The following GSG1L variants were observed in gnomAD, a reference collection of about 807,000 sequenced individuals.
GSG1L encodes GSG1 like.
A neutral mutation model predicts 42.1 loss-of-function variants in GSG1L; 24 were observed. The observed-to-expected ratio is 0.57, with a 90% CI of 0.41 to 0.80. The LOEUF (loss-of-function observed/expected upper bound fraction) is 0.80, where lower values mean the gene tolerates loss of function less well. GSG1L is among the 30% of genes least tolerant of loss of function. The pLI is 0.00. For missense variants in GSG1L, 445 were observed against 472.2 expected (o/e 0.94, Z 0.53); for synonymous variants, 215 against 203.5 (o/e 1.06, Z -0.48).
intron 1 of GSG1L, among the ~76,000 whole-genome samples, chr16:28,047,493 G>A (rs772441558): frequency 9.2e-5 from 14 of 152,056 alleles, no homozygotes; most frequent in Non-Finnish European, 1.9e-4. Context: ...AATAGTATTT[G>A]TTTAAGACTC....
At chr16:27,928,235 G>A (rs1458277276) in intron 2 of GSG1L, among the ~76,000 whole-genome samples, 1 of 152,146 alleles carries the variant, frequency 6.6e-6, no homozygotes, top group African/African-American at 2.4e-5. Context: ...TTTGACAGAT[G>A]GGGAAACTGA....
intron 1 of GSG1L, among the ~76,000 whole-genome samples, chr16:27,968,782 A>G (rs2085161167): frequency 6.6e-6 from 1 of 152,208 alleles, no homozygotes; most frequent in African/African-American, 2.4e-5. Context: ...TTATTGAGAT[A>G]TAATTCCCAT....
intron 1 of GSG1L, among the ~76,000 whole-genome samples, chr16:28,042,435 CA>C (rs5816459): frequency 0.72 from 90,368 of 125,084 alleles, 31,472 homozygotes; most frequent in South Asian, 0.84. Context: ...AACTCCATCT[CA>C]AAAAAAAAAA....
intron 2 of GSG1L, among the ~76,000 whole-genome samples, chr16:27,888,826 C>T (rs2084086572): frequency 6.6e-6 from 1 of 151,488 alleles, no homozygotes. Flanking sequence ...CCATGTTGGC[C>T]AGGCTTGTCT....
intron 1 of GSG1L, among the ~76,000 whole-genome samples, chr16:28,039,651 ACT>A (rs1398175278): frequency 6.6e-6 from 1 of 151,944 alleles, no homozygotes; most frequent in Non-Finnish European, 1.5e-5. Context: ...ACACATGCAC[ACT>A]CACACGCACA....
intron 1 of GSG1L, among the ~76,000 whole-genome samples, chr16:27,986,494 A>G (rs1198030255): frequency 8.6e-6 from 1 of 116,508 alleles, no homozygotes; most frequent in Non-Finnish European, 1.7e-5. Flanking sequence ...CGACCGAGCG[A>G]GACTCCGCCT....
At chr16:28,051,554 G>A (rs1005810809) in intron 1 of GSG1L, among the ~76,000 whole-genome samples, 2 of 152,090 alleles carry the variant, frequency 1.3e-5, no homozygotes, top group African/African-American at 4.8e-5. Context: ...AGGTGGGGAG[G>A]TGACTGCGAC....
intron 2 of GSG1L, among the ~76,000 whole-genome samples, chr16:27,921,238 C>A (rs1596614722): frequency 6.6e-6 from 1 of 152,096 alleles, no homozygotes; most frequent in East Asian, 1.9e-4. Context: ...TCTTCAGCAC[C>A]TTCTCCAAGT....
In GSG1L at chr16:27,881,238, C is replaced by CTTTTT. The variant is rs149874320; in HGVS notation, c.550+3243_550+3247dup. Among the ~76,000 whole-genome samples the CTTTTT allele has an allele frequency of 7.9e-4, 85 of 106,972 alleles. 7 individuals are homozygous for CTTTTT. Among genetic ancestry groups the CTTTTT allele is most frequent in the African/African-American group, 2.1e-3 (59 of 28,716 alleles). 70.2% of individuals were successfully genotyped at this position (106,972 alleles called of 152,430 possible). On this transcript the variant is annotated intron_variant, in intron 3 of 6. Coordinates refer to ENST00000447459, the MANE Select transcript of GSG1L (RefSeq NM_001109763.2). ...AGTGGAAACTTTAATAAGTATCATA[C>CTTTTT]TTTTTTTTTTTTTTTTTTTTTGAGA...
intron 5 of GSG1L, among the ~76,000 whole-genome samples, chr16:27,826,365 A>T (rs1596538046): frequency 6.6e-6 from 1 of 151,768 alleles, no homozygotes; most frequent in Admixed American, 6.6e-5. Context: ...TTGCTGCCCC[A>T]CCCTGCAGCC....
chr16:28,034,969 C>T (rs2086015373), intron 1 of GSG1L, among the ~76,000 whole-genome samples: 1 of 152,190 alleles, frequency 6.6e-6, no homozygotes, highest in South Asian at 2.1e-4. Flanking sequence ...AGCACACAGA[C>T]AACATCTCTA....
Position 27,951,079 on chromosome 16 carries a change from C to T in GSG1L, c.397+12077G>A, listed in dbSNP as rs150818978. Among the ~76,000 whole-genome samples the T allele has an allele frequency of 2.8e-3, 425 of 152,270 alleles. 1 individual carries two copies. The highest frequency in any genetic ancestry group is 4.4e-3 in the Non-Finnish European group (300 of 68,030). The stretch of plus-strand genomic sequence containing the variant: ...ACACCCTGGCATCAAGGGATACTGA[C>T]GACTGGCCCAAGGCAAGATGGACGA... On this transcript the variant is annotated intron_variant, in intron 2 of 6. Transcript: ENST00000447459.
intron 2 of GSG1L, among the ~76,000 whole-genome samples, chr16:27,897,910 G>A (rs563794493): frequency 6.6e-6 from 1 of 152,364 alleles, no homozygotes; most frequent in South Asian, 2.1e-4. Flanking sequence ...TCTAGTTCTT[G>A]GAGCATTCTA....
At chr16:27,965,540 A>G (rs1357394213) in intron 1 of GSG1L, among the ~76,000 whole-genome samples, 1 of 152,168 alleles carries the variant, frequency 6.6e-6, no homozygotes. Flanking sequence ...TTACACACAC[A>G]TTAATGTCTA....
chr16:27,981,158 C>G (rs1018106426), intron 1 of GSG1L, among the ~76,000 whole-genome samples: 4 of 152,190 alleles, frequency 2.6e-5, no homozygotes, highest in Non-Finnish European at 4.4e-5. Context: ...AACCTAGCAG[C>G]CTTCCAGACG....
At chr16:28,033,664 T>C (rs2085993079) in intron 1 of GSG1L, among the ~76,000 whole-genome samples, 1 of 152,074 alleles carries the variant, frequency 6.6e-6, no homozygotes, top group African/African-American at 2.4e-5. Flanking sequence ...AAAATAATCA[T>C]TGTGTATTAA....
intron 3 of GSG1L, among the ~76,000 whole-genome samples, chr16:27,851,637 A>G (rs2083516282): frequency 6.6e-6 from 1 of 152,110 alleles, no homozygotes; most frequent in South Asian, 2.1e-4. Flanking sequence ...GGAAAGCACA[A>G]ACACGCTGCA....
intron 2 of GSG1L, among the ~76,000 whole-genome samples, chr16:27,932,697 C>A (rs965561068): frequency 6.6e-6 from 1 of 152,086 alleles, no homozygotes; most frequent in Admixed American, 6.5e-5. Flanking sequence ...AACCATATCA[C>A]CCATCCTACT....
intron 2 of GSG1L, among the ~76,000 whole-genome samples, chr16:27,956,856 G>A (rs1465090612): frequency 2.6e-5 from 4 of 151,846 alleles, no homozygotes; most frequent in Non-Finnish European, 2.9e-5. Context: ...ACTGGGTTGT[G>A]TGATAGCTCG....
Sources: gnomAD v4.1 joint callset for allele counts (sites outside exome capture counted in the v4.1 genomes callset) on GRCh38, gnomAD v4.1.1 for gene constraint, MANE v1.5 for transcripts, NCBI Gene and HGNC (gene_info 2026-07-23, HGNC 2026-07-21) for gene names.